Variants in TRPS1 observed in about 807,000 individuals in gnomAD.
TRPS1 encodes transcriptional repressor GATA binding 1.
A neutral mutation model predicts 101.2 loss-of-function variants in TRPS1; 6 were observed. The ratio of observed to expected loss-of-function variants is 0.06; its 90% CI spans 0.03 to 0.12. The LOEUF (loss-of-function observed/expected upper bound fraction) is 0.12. TRPS1 is among the 10% of genes least tolerant of loss of function. The pLI, the probability that TRPS1 is intolerant of heterozygous loss-of-function variation, is 1.00. For missense variants in TRPS1, 1,363 were observed against 1,567.0 expected (o/e 0.87, Z 2.20); for synonymous variants, 578 against 589.8 (o/e 0.98, Z 0.29).
At chr8:115,479,812 C>T (rs1300062885) in intron 5 of TRPS1, among the ~76,000 whole-genome samples, 1 of 152,084 alleles carries the variant, frequency 6.6e-6, no homozygotes, top group Non-Finnish European at 1.5e-5. Flanking sequence ...TGATCAATGA[C>T]AACATGACGT....
intron 2 of TRPS1, among the ~76,000 whole-genome samples, chr8:115,621,949 AAAG>A (rs1257424146): frequency 1.3e-5 from 2 of 152,042 alleles, no homozygotes; most frequent in Non-Finnish European, 2.9e-5. Flanking sequence ...ACAAAAACAA[AAAG>A]AAAGAAAGTA....
chr8:115,626,691 C>G (rs1818516208), intron 1 of TRPS1, among the ~76,000 whole-genome samples: 2 of 151,754 alleles, frequency 1.3e-5, no homozygotes, highest in Non-Finnish European at 3.0e-5. Context: ...CCAAAATGAT[C>G]ATTTCTATTA....
intron 4 of TRPS1, among the ~76,000 whole-genome samples, chr8:115,591,439 T>C (rs1817676908): frequency 6.6e-6 from 1 of 152,186 alleles, no homozygotes; most frequent in East Asian, 1.9e-4. Flanking sequence ...TACTTCTTCC[T>C]AAATATACAA....
chr8:115,556,681 C>T (rs1816828098), intron 5 of TRPS1, among the ~76,000 whole-genome samples: 1 of 152,090 alleles, frequency 6.6e-6, no homozygotes, highest in Non-Finnish European at 1.5e-5. Context: ...ATTTTTGAGT[C>T]CTTTACACAC....
Position 115,544,301 on chromosome 8 carries a change from G to C in TRPS1, c.2700+42700C>G, listed in dbSNP as rs148859460. On this transcript the variant is annotated intron_variant, in intron 5 of 6. Coordinates refer to ENST00000395715, the MANE Select transcript of TRPS1 (RefSeq NM_014112.5). ...TGGGAGTTATAGTATCTATCTCATAGCATTACTATGAGGATTTAGTAAGTT... is the reference window on the plus strand; with the variant it reads ...TGGGAGTTATAGTATCTATCTCATACCATTACTATGAGGATTTAGTAAGTT... Among the ~76,000 whole-genome samples, 18 of 151,642 alleles carry C rather than the reference G, an allele frequency of 1.2e-4. No individual in the cohort carries two copies. The East Asian group carries it at 3.5e-3, about 29-fold the overall frequency.
intron 5 of TRPS1, among the ~76,000 whole-genome samples, chr8:115,517,082 CA>C (rs1192252290): frequency 2.6e-5 from 4 of 151,352 alleles, no homozygotes; most frequent in African/African-American, 9.7e-5. Flanking sequence ...GCTTTTTAAA[CA>C]AAATATATGG....
Position 115,423,162 on chromosome 8 carries a change from T to C in TRPS1, c.2701-4710A>G, listed in dbSNP as rs949331745. 2.6e-5 allele frequency among the ~76,000 whole-genome samples: 4 copies of C among 152,328 alleles called. No homozygotes were observed. In the East Asian group the frequency reaches 5.8e-4, roughly 22 times the overall value. ...CCAAAGCTACATGAGGCAGCTCAAC[T>C]AAAAATTGCTACAGAAAAAATTCTG... On this transcript the variant is annotated intron_variant, in intron 5 of 6. Coordinates refer to ENST00000395715, the MANE Select transcript of TRPS1 (RefSeq NM_014112.5).
intron 3 of TRPS1, 74 bp from the exon 4 acceptor site, chr8:115,605,076 G>A (rs1353292165): frequency 1.4e-6 from 2 of 1,410,474 alleles, no homozygotes; most frequent in Non-Finnish European, 2.0e-6. Flanking sequence ...GGGAGGGGGA[G>A]GGTACTGCCA....
intron 5 of TRPS1, among the ~76,000 whole-genome samples, chr8:115,442,812 C>T (rs6986978): frequency 0.037 from 5,563 of 151,562 alleles, 392 homozygotes; most frequent in African/African-American, 0.13. Context: ...AAAAAAAAGG[C>T]CAGGCGCGGT....
At position 115,524,015 on chromosome 8, in the gene TRPS1, A is replaced by C. The variant is rs1330900750; in HGVS notation, c.2700+62986T>G. On this transcript the variant is annotated intron_variant, in intron 5 of 6. Coordinates refer to ENST00000395715, the MANE Select transcript of TRPS1 (RefSeq NM_014112.5). ...CTATTTCACAACAATTTTACAAACAAAAACTCCAGAGTCCAGAAAATTGTT... is the reference window on the plus strand; with the variant it reads ...CTATTTCACAACAATTTTACAAACACAAACTCCAGAGTCCAGAAAATTGTT... Among the ~76,000 whole-genome samples, 4 of 152,322 alleles carry C rather than the reference A, an allele frequency of 2.6e-5. No homozygotes were observed. The East Asian group carries it at 7.7e-4, about 29-fold the overall frequency.
chr8:115,555,437 G>A (rs985113504), intron 5 of TRPS1, among the ~76,000 whole-genome samples: 13 of 151,802 alleles, frequency 8.6e-5, no homozygotes, highest in Admixed American at 2.0e-4. Flanking sequence ...CAGTTTTTCC[G>A]AACACTTCCA....
intron 5 of TRPS1, among the ~76,000 whole-genome samples, chr8:115,442,683 T>C (rs1369553869): frequency 3.3e-5 from 5 of 151,850 alleles, no homozygotes; most frequent in African/African-American, 9.7e-5. Context: ...GTGATTTGAC[T>C]GGGCGCAGGG....
chr8:115,425,243 A>G (rs906256797), intron 5 of TRPS1, among the ~76,000 whole-genome samples: 1 of 152,154 alleles, frequency 6.6e-6, no homozygotes, highest in Admixed American at 6.5e-5. Flanking sequence ...GCTGTACTGC[A>G]TGTCTTTGCC....
chr8:115,580,638 C>T (rs1313103834), intron 5 of TRPS1, among the ~76,000 whole-genome samples: 1 of 152,132 alleles, frequency 6.6e-6, no homozygotes, highest in African/African-American at 2.4e-5. Context: ...TAAAGGATAA[C>T]ATTTCACAGT....
intron 5 of TRPS1, among the ~76,000 whole-genome samples, chr8:115,547,383 G>A (rs1377021415): frequency 6.6e-6 from 1 of 151,948 alleles, no homozygotes; most frequent in African/African-American, 2.4e-5. Context: ...GTGCTAAGCT[G>A]AAATAATCTG....
At chr8:115,469,888 C>A (rs1300386368) in intron 5 of TRPS1, among the ~76,000 whole-genome samples, 1 of 152,102 alleles carries the variant, frequency 6.6e-6, no homozygotes, top group South Asian at 2.1e-4. Flanking sequence ...TGACTACAGT[C>A]CAGCTTGTTT....
chr8:115,510,501 G>C (rs982629873), intron 5 of TRPS1, among the ~76,000 whole-genome samples: 2 of 151,998 alleles, frequency 1.3e-5, no homozygotes, highest in Non-Finnish European at 2.9e-5. Flanking sequence ...ATAAAAGTCA[G>C]TTCTCTGGGG....
At chr8:115,485,176 C>T (rs1165056835) in intron 5 of TRPS1, among the ~76,000 whole-genome samples, 1 of 152,170 alleles carries the variant, frequency 6.6e-6, no homozygotes, top group Non-Finnish European at 1.5e-5. Context: ...CGTGCATCAC[C>T]TGGCCTGAAA....
At chr8:115,513,421 A>G (rs1234090916) in intron 5 of TRPS1, among the ~76,000 whole-genome samples, 1 of 151,692 alleles carries the variant, frequency 6.6e-6, no homozygotes, top group Non-Finnish European at 1.5e-5. Flanking sequence ...TTAGGTGCTC[A>G]TACCTTAGGC....
Sources: gnomAD v4.1 joint callset for allele counts (sites outside exome capture counted in the v4.1 genomes callset) on GRCh38, gnomAD v4.1.1 for gene constraint, MANE v1.5 for transcripts, NCBI Gene and HGNC (gene_info 2026-07-23, HGNC 2026-07-21) for gene names.